Variants in PTPRN2 observed in about 807,000 individuals in gnomAD.
PTPRN2 encodes the protein receptor-type tyrosine-protein phosphatase N2.
In PTPRN2, 74 loss-of-function variants were observed where a neutral mutation model predicts 118.8. The observed-to-expected ratio is 0.62, with a 90% CI of 0.52 to 0.76. PTPRN2 has a LOEUF of 0.76. PTPRN2 is among the 30% of genes least tolerant of loss of function. The pLI is 0.00. For missense variants in PTPRN2, 1,481 were observed against 1,394.4 expected (o/e 1.06, Z -0.99); for synonymous variants, 641 against 608.0 (o/e 1.05, Z -0.80).
chr7:157,700,293 AAGAGT>A (rs1798000481), intron 12 of PTPRN2, among the ~76,000 whole-genome samples: 1 of 152,220 alleles, frequency 6.6e-6, no homozygotes, highest in South Asian at 2.1e-4. Context: ...GCCATTTCAA[AAGAGT>A]AGTGCCCCAG....
intron 11 of PTPRN2, among the ~76,000 whole-genome samples, chr7:158,070,972 TGGAGGTGC>T: frequency 5.0e-5 from 6 of 120,014 alleles, no homozygotes; most frequent in African/African-American, 1.5e-4. Flanking sequence ...GTGCTCACGG[TGGAGGTGC>T]CCGTGGTGGT....
At chr7:157,653,205 G>T (rs543715643) in intron 14 of PTPRN2, among the ~76,000 whole-genome samples, 1 of 152,136 alleles carries the variant, frequency 6.6e-6, no homozygotes, top group Non-Finnish European at 1.5e-5. Context: ...TTATTTCATC[G>T]GATCGTGGGG....
chr7:157,735,712 C>T (rs555644339), intron 12 of PTPRN2, among the ~76,000 whole-genome samples: 5 of 152,294 alleles, frequency 3.3e-5, no homozygotes, highest in South Asian at 4.2e-4. Context: ...TCGGGGCAGG[C>T]GCTTTCTTTA....
At chr7:158,183,670 G>T (rs939306607) in intron 5 of PTPRN2, among the ~76,000 whole-genome samples, 1 of 152,216 alleles carries the variant, frequency 6.6e-6, no homozygotes, top group Non-Finnish European at 1.5e-5. Context: ...CCAGGACTTG[G>T]TAGGGTTAAG....
chr7:158,528,309 G>A (rs970513853), intron 1 of PTPRN2, among the ~76,000 whole-genome samples: 7 of 152,162 alleles, frequency 4.6e-5, no homozygotes, highest in Non-Finnish European at 1.0e-4. Flanking sequence ...ATGCTGCTGA[G>A]GTTTGCCATG....
chr7:158,462,445 T>A (rs147207242), intron 2 of PTPRN2, among the ~76,000 whole-genome samples: 4 of 152,188 alleles, frequency 2.6e-5, no homozygotes, highest in African/African-American at 4.8e-5. Context: ...TGCGATACCG[T>A]ACTTGCATTT....
intron 12 of PTPRN2, among the ~76,000 whole-genome samples, chr7:157,858,148 CGTCA>C (rs1563179197): frequency 7.9e-4 from 28 of 35,336 alleles, no homozygotes; most frequent in Non-Finnish European, 1.0e-3. Context: ...GGGAGAGCCC[CGTCA>C]CCACCCACAC....
intron 2 of PTPRN2, among the ~76,000 whole-genome samples, chr7:158,447,801 C>T (rs929926569): frequency 6.6e-6 from 1 of 152,250 alleles, no homozygotes; most frequent in Non-Finnish European, 1.5e-5. Flanking sequence ...GGTACGAGCA[C>T]CAGCAGAGCC....
At chr7:157,772,242 C>G (rs1268176048) in intron 12 of PTPRN2, among the ~76,000 whole-genome samples, 1 of 148,504 alleles carries the variant, frequency 6.7e-6, no homozygotes, top group Non-Finnish European at 1.5e-5. Flanking sequence ...CACATACACA[C>G]AGACACAGAC....
chr7:158,270,890 C>G (rs1484371145), intron 3 of PTPRN2, among the ~76,000 whole-genome samples: 2 of 85,966 alleles, frequency 2.3e-5, no homozygotes, highest in Non-Finnish European at 4.6e-5. Context: ...CTGGATGACC[C>G]CCTCCACCTG....
chr7:157,936,021 G>C (rs113620993), intron 11 of PTPRN2, among the ~76,000 whole-genome samples: 1 of 150,480 alleles, frequency 6.6e-6, no homozygotes, highest in East Asian at 2.0e-4. Flanking sequence ...CATCTGTGTC[G>C]CTCCCTCAGG....
intron 6 of PTPRN2, among the ~76,000 whole-genome samples, chr7:158,151,514 T>TGCCCCTGC (rs1563522262): frequency 6.8e-6 from 1 of 146,076 alleles, no homozygotes; most frequent in African/African-American, 2.5e-5. Context: ...TTTCTGCTCC[T>TGCCCCTGC]CACCGCACGT....
At chr7:158,413,409 T>C (rs1443879837) in intron 2 of PTPRN2, among the ~76,000 whole-genome samples, 2 of 152,210 alleles carry the variant, frequency 1.3e-5, no homozygotes, top group Admixed American at 6.5e-5. Context: ...AAATAAAACA[T>C]TGTCTTTAAG....
rs531731578 is a variant in PTPRN2, at chr7:157,730,698, G to T, written c.1789-47761C>A. Among the ~76,000 whole-genome samples, 3 of 152,310 alleles carry T rather than the reference G, an allele frequency of 2.0e-5. No homozygotes were observed. The South Asian group carries it at 6.2e-4, about 32-fold the overall frequency. ...TAGGAGGTGATGATGACCACAGTGG[G>T]GTCTTTAAAACAGTGCACGGCCCGC... On this transcript the variant is annotated intron_variant, in intron 12 of 22. Transcript: ENST00000389418.
intron 3 of PTPRN2, among the ~76,000 whole-genome samples, chr7:158,257,706 A>G (rs1329318228): frequency 3.9e-5 from 6 of 152,224 alleles, no homozygotes; most frequent in Admixed American, 3.9e-4. Context: ...CTCCTGGAGG[A>G]CTGACCAAGA....
chr7:158,268,851 G>A (rs868122963), intron 3 of PTPRN2, among the ~76,000 whole-genome samples: 7 of 127,862 alleles, frequency 5.5e-5, no homozygotes, highest in Middle Eastern at 6.2e-3. Context: ...TATCCCAGCC[G>A]CACACACACA....
rs998953445 is a variant in PTPRN2 at position 157,779,998 on chromosome 7, T to A, written c.1789-97061A>T. Among the ~76,000 whole-genome samples the A allele has an allele frequency of 2.0e-5, 3 of 152,178 alleles. No homozygotes were observed. Among genetic ancestry groups the A allele is most frequent in the Admixed American group, 2.0e-4 (3 of 15,282 alleles). ...TGACCCCAGTTCCCAAGGTCCACAA[T>A]GTCCATGGAGAGTAGGATTTTACAC... is the stretch of plus-strand genomic sequence containing the variant. On this transcript the variant is annotated intron_variant, in intron 12 of 22. Transcript: ENST00000389418. The surrounding 1 kb of genome is among the most constrained non-coding windows in gnomAD (Gnocchi z 4.7).
At chr7:158,504,972 G>A (rs142091776) in intron 1 of PTPRN2, among the ~76,000 whole-genome samples, 1 of 152,328 alleles carries the variant, frequency 6.6e-6, no homozygotes, top group Non-Finnish European at 1.5e-5. Flanking sequence ...AAATTGCCCT[G>A]TCACCAACAG....
rs897231892 is a variant in PTPRN2, at chr7:157,619,820, G to A, written c.2344+1542C>T. Among the ~76,000 whole-genome samples the A allele has an allele frequency of 6.6e-6, 1 of 152,216 alleles. No individual in the cohort carries two copies. The highest frequency in any genetic ancestry group is 2.4e-5 in the African/African-American group (1 of 41,454). On this transcript the variant is annotated intron_variant, in intron 15 of 22. Transcript: ENST00000389418. The surrounding 1 kb of genome is among the most constrained non-coding windows in gnomAD (Gnocchi z 5.3). Reference sequence around the variant, plus strand: ...GAGGGCAAGGGCAGTGCCTCTCCCTGGCGTGGGGGGCTGTGCTGCTGGTAC... The same window carrying A: ...GAGGGCAAGGGCAGTGCCTCTCCCTAGCGTGGGGGGCTGTGCTGCTGGTAC...
Sources: gnomAD v4.1 joint callset for allele counts (sites outside exome capture counted in the v4.1 genomes callset) on GRCh38, gnomAD v4.1.1 for gene constraint, Gnocchi (gnomAD v3.1) non-coding constraint, MANE v1.5 for transcripts, NCBI Gene and HGNC (gene_info 2026-07-23, HGNC 2026-07-21) for gene names.